Variants in DIDO1 observed in about 807,000 individuals in gnomAD.
DIDO1 encodes the protein death inducer-obliterator 1, also known as death-inducer obliterator 1.
In DIDO1, 16 loss-of-function variants were observed where a neutral mutation model predicts 99.4. The observed-to-expected ratio is 0.16, with a 90% CI of 0.11 to 0.24. The LOEUF (loss-of-function observed/expected upper bound fraction) is 0.24, where lower values mean the gene tolerates loss of function less well. Ranked by LOEUF, DIDO1 falls within the 10% of genes least tolerant of loss-of-function variation. The pLI is 1.00. For synonymous variants in DIDO1, 1,366 were observed against 1,239.1 expected (o/e 1.10, Z -2.15); for missense variants, 2,996 against 3,014.0 (o/e 0.99, Z 0.14).
chr20:62,910,875 G>C lies in DIDO1; in HGVS notation c.738C>G (p.Ile246Met). 6.2e-7 allele frequency: 1 copy of C among 1,614,106 alleles called. No homozygotes were observed. Among genetic ancestry groups the C allele is most frequent in the South Asian group, 1.1e-5 (1 of 91,082 alleles). Reference protein sequence around the residue: ...SKLEGKAAQDIKDEEPGDLGR... With the variant: ...SKLEGKAAQDMKDEEPGDLGR... ...CCAAGTCTCCAGGCTCCTCATCTTTGATGTCCTGAGCCGCCTTTCCCTCCA... is the reference window on the plus strand; with the variant it reads ...CCAAGTCTCCAGGCTCCTCATCTTTCATGTCCTGAGCCGCCTTTCCCTCCA... Residue 246 changes from isoleucine (I) to methionine (M), a missense_variant, in exon 3 of 16, where the codon ATC becomes ATG. Physicochemically the swap from Ile to Met is conservative, Grantham distance 10. Around this residue, in one of 5 missense-constraint regions of DIDO1, gnomAD observed 388 missense variants for 376.6 expected, o/e 1.03. Coordinates refer to ENST00000395343, the MANE Select transcript of DIDO1 (RefSeq NM_001193369.2).
upstream of DIDO1, among the ~76,000 whole-genome samples, chr20:62,931,442 T>C (rs1478728882): frequency 6.6e-6 from 1 of 152,242 alleles, no homozygotes; most frequent in African/African-American, 2.4e-5. Context: ...CTTTTCTGAC[T>C]GGTTTTATCT....
chr20:62,908,772 T>A (rs1191490551), intron 4 of DIDO1, among the ~76,000 whole-genome samples: 2 of 152,094 alleles, frequency 1.3e-5, no homozygotes, highest in Non-Finnish European at 2.9e-5. Context: ...GGTGGGAGGA[T>A]CACTCAAGCC....
intron 1 of DIDO1, among the ~76,000 whole-genome samples, chr20:62,924,816 T>C (rs1311709089): frequency 1.3e-5 from 2 of 152,104 alleles, no homozygotes; most frequent in African/African-American, 4.8e-5. Context: ...CACAGCACAA[T>C]GAGCTCTGCT....
chr20:62,894,161 G>A lies in DIDO1; in HGVS notation c.2606C>T (p.Pro869Leu), dbSNP rs1161926156. ...QVPSAEDEPA[P>L]KKQKLSASVK... is the part of the protein sequence containing the mutation. ...AGAAGCTGACAATTTTTGTTTTTTC[G>A]GAGCTGGCTCATCTTCTGCGGAGGG... is the stretch of plus-strand genomic sequence containing the variant. Residue 869 changes from proline to leucine, a missense_variant, in exon 12 of 16, where the codon CCG (proline) becomes CTG (leucine). Pro to Leu is a moderately conservative substitution (Grantham distance 98). Coordinates refer to ENST00000395343, the MANE Select transcript of DIDO1 (RefSeq NM_001193369.2). The surrounding 1 kb of genome is among the most constrained non-coding windows in gnomAD (Gnocchi z 4.4). 3.7e-6 allele frequency: 6 copies of A among 1,613,648 alleles called. No individual in the cohort carries two copies. The highest frequency in any genetic ancestry group is 1.7e-4 in the Middle Eastern group (1 of 6,058).
Position 62,905,648 on chromosome 20 carries a change from T to G in DIDO1, c.1588+239A>C. Reference sequence around the variant, plus strand: ...AAAGAATCAATCATTAAGGTGAACGTTCACCAGTGAGGTTTACAGCTTTGG... The same window carrying G: ...AAAGAATCAATCATTAAGGTGAACGGTCACCAGTGAGGTTTACAGCTTTGG... On this transcript the variant is annotated intron_variant, in intron 6 of 15. Transcript: ENST00000395343. The G allele has an allele frequency of 1.9e-6, 3 of 1,572,294 alleles. No individual in the cohort carries two copies. In the South Asian group the frequency reaches 3.5e-5, roughly 18 times the overall value.
exon 1 of DIDO1, chr20:62,937,860 C>T (rs1378597867): frequency 1.5e-5 from 6 of 398,472 alleles, no homozygotes; most frequent in African/African-American, 8.2e-5. Context: ...CCAACGCCTC[C>T]GCAGCAGCCA....
Position 62,879,377 on chromosome 20 carries a change from C to T in DIDO1, c.6579G>A (p.Arg2193=), listed in dbSNP as rs772509200. 13 of 1,546,204 alleles carry T rather than the reference C, an allele frequency of 8.4e-6. No individual in the cohort carries two copies. In the South Asian group the frequency reaches 1.5e-4, roughly 18 times the overall value. The change falls in exon 16 of 16, where the codon CGG becomes CGA. Residue 2193 remains arginine, a synonymous_variant. Coordinates refer to ENST00000395343, the MANE Select transcript of DIDO1 (RefSeq NM_001193369.2). The surrounding 1 kb of genome is among the most constrained non-coding windows in gnomAD (Gnocchi z 6.3). The stretch of plus-strand genomic sequence containing the variant: ...CCTTGTCTCGGTCCCGCTCTCTGCT[C>T]CGGGACCGGTCCCGGTCGCGCCTCC... ...RDRRRDRDRS[R]SRERDRDKAR...
intron 6 of DIDO1, among the ~76,000 whole-genome samples, chr20:62,902,354 TTC>T (rs2064702088): frequency 6.6e-6 from 1 of 152,206 alleles, no homozygotes; most frequent in South Asian, 2.1e-4. Context: ...TCAAGCTATA[TTC>T]TTTCTCAGAA....
At chr20:62,892,462 C>T (rs530054219) in intron 13 of DIDO1, among the ~76,000 whole-genome samples, 7 of 152,290 alleles carry the variant, frequency 4.6e-5, no homozygotes, top group Admixed American at 4.6e-4. Context: ...ATGCGCCACC[C>T]CGCAAGTGGC....
At chr20:62,936,242 G>C (rs891806666) in intron 1 of DIDO1, among the ~76,000 whole-genome samples, 4 of 151,934 alleles carry the variant, frequency 2.6e-5, no homozygotes, top group Non-Finnish European at 4.4e-5. Flanking sequence ...GCAAGACCCC[G>C]TCTCTAAAAA....
chr20:62,882,373 T>C lies in DIDO1; in HGVS notation c.3583A>G (p.Ile1195Val). The C allele has an allele frequency of 6.2e-7, 1 of 1,613,834 alleles. No individual in the cohort carries two copies. The highest frequency in any genetic ancestry group is 8.5e-7 in the Non-Finnish European group (1 of 1,179,942). The change falls in exon 16 of 16, where the codon ATC becomes GTC. Residue 1195 changes from isoleucine (I) to valine (V), a missense_variant. By Grantham distance (29) the Ile-to-Val change is conservative. Around this residue, in one of 5 missense-constraint regions of DIDO1, gnomAD observed 135 missense variants for 202.3 expected, o/e 0.67. Coordinates refer to ENST00000395343, the MANE Select transcript of DIDO1 (RefSeq NM_001193369.2). ...PRPNIILGLVICQKIKRPANS... is the reference protein window; with the variant it reads ...PRPNIILGLVVCQKIKRPANS... Reference sequence around the variant, plus strand: ...GCGGGACGTTTGATTTTTTGGCAGATTACTAACCCAAGAATTATATTCGGA... The same window carrying C: ...GCGGGACGTTTGATTTTTTGGCAGACTACTAACCCAAGAATTATATTCGGA...
chr20:62,891,257 C>A (rs2064391662), intron 14 of DIDO1, 102 bp from the exon 15 acceptor site: 2 of 1,533,402 alleles, frequency 1.3e-6, no homozygotes, highest in Non-Finnish European at 1.8e-6. Context: ...TCAGATCTCT[C>A]CGACTCACAG....
Position 62,880,481 on chromosome 20 carries a change from G to A in DIDO1, c.5475C>T (p.Gly1825=), listed in dbSNP as rs2064180990. The A allele has an allele frequency of 3.1e-6, 5 of 1,612,986 alleles. No individual in the cohort carries two copies. Among genetic ancestry groups the A allele is most frequent in the South Asian group, 1.1e-5 (1 of 91,086 alleles). The change falls in exon 16 of 16, where the codon GGC becomes GGT. Residue 1825 remains glycine, a synonymous_variant. Coordinates refer to ENST00000395343, the MANE Select transcript of DIDO1 (RefSeq NM_001193369.2). ...HGPPPYGDSR[G]PSPSYLGGPR... is the part of the protein sequence containing the mutation. ...GTCCACCAAGGTAAGAGGGTGAGGG[G>A]CCTCTGCTGTCCCCATAAGGAGGTG...
intron 1 of DIDO1, among the ~76,000 whole-genome samples, chr20:62,935,066 A>AT (rs1279003672): frequency 2.0e-5 from 3 of 152,124 alleles, no homozygotes; most frequent in African/African-American, 7.2e-5. Context: ...CTCCAATTGA[A>AT]TGAGGCCCAC....
Position 62,910,950 on chromosome 20 carries a change from G to A in DIDO1, c.663C>T (p.Asn221=). The change falls in exon 3 of 16, where the codon AAC becomes AAT. Residue 221 remains asparagine (N), a synonymous_variant. Coordinates refer to ENST00000395343, the MANE Select transcript of DIDO1 (RefSeq NM_001193369.2). ...GVLPSKQEPE[N]DQGVVSQAGK... The stretch of plus-strand genomic sequence containing the variant: ...CAGCCTGGGACACAACCCCCTGATC[G>A]TTCTCGGGCTCCTGCTTACTGGGCA... The A allele has an allele frequency of 6.2e-6, 10 of 1,613,998 alleles. No individual in the cohort carries two copies. The highest frequency in any genetic ancestry group is 2.2e-5 in the East Asian group (1 of 44,858).
intron 15 of DIDO1, among the ~76,000 whole-genome samples, chr20:62,882,915 C>CTTTTTTTTTT (rs10583836): frequency 2.5e-5 from 2 of 81,356 alleles, no homozygotes; most frequent in Non-Finnish European, 4.2e-5. Flanking sequence ...AACAAACAGC[C>CTTTTTTTTTT]TTTTTTTTTT....
At position 62,911,900 on chromosome 20, in the gene DIDO1, C is replaced by G. The variant is rs2064951513; in HGVS notation, c.-2-286G>C. Among the ~76,000 whole-genome samples the G allele has an allele frequency of 6.6e-6, 1 of 152,204 alleles. No individual in the cohort carries two copies. The highest frequency in any genetic ancestry group is 1.5e-5 in the Non-Finnish European group (1 of 68,042). The stretch of plus-strand genomic sequence containing the variant: ...ACTGCTCAGGACAAGGCTTCACAAG[C>G]CAGACAGTAGGGACAAATAGGAAAT... On this transcript the variant is annotated intron_variant, in intron 2 of 15. Transcript: ENST00000395343. This position sits in a 1 kb window ranked among gnomAD's most constrained non-coding sequence, Gnocchi z 7.0.
At chr20:62,937,441 T>TG (rs1858404410) in intron 1 of DIDO1, among the ~76,000 whole-genome samples, 3 of 151,980 alleles carry the variant, frequency 2.0e-5, no homozygotes, top group African/African-American at 7.3e-5. Context: ...CGCAAGCAAG[T>TG]GGGGTCTCCT....
intron 1 of DIDO1, among the ~76,000 whole-genome samples, chr20:62,922,109 T>TATACACACACAC (rs375077898): frequency 0.015 from 1,661 of 110,626 alleles, 23 homozygotes; most frequent in South Asian, 0.054. Flanking sequence ...ACTATATATA[T>TATACACACACAC]ACACACACAC....
Sources: gnomAD v4.1 joint callset for allele counts (sites outside exome capture counted in the v4.1 genomes callset) on GRCh38, gnomAD v4.1.1 for gene constraint, gnomAD v4.1.1 regional missense constraint, Gnocchi (gnomAD v3.1) non-coding constraint, MANE v1.5 for transcripts, NCBI Gene and HGNC (gene_info 2026-07-23, HGNC 2026-07-21) for gene names.